Variants in AKAP13 observed in about 807,000 individuals in gnomAD.
AKAP13 encodes A-kinase anchoring protein 13, also known as A-kinase anchor protein 13.
AKAP13 carries 80 observed loss-of-function variants against 264.5 expected under a neutral mutation model. The ratio of observed to expected loss-of-function variants is 0.30; its 90% CI spans 0.25 to 0.36. AKAP13 has a LOEUF of 0.36. Among genes scored for constraint, AKAP13 ranks in the 10% least tolerant of loss-of-function variants. The pLI is 1.00. For missense variants in AKAP13, 3,712 were observed against 3,435.2 expected (o/e 1.08, Z -2.01); for synonymous variants, 1,380 against 1,250.2 (o/e 1.10, Z -2.19).
At chr15:85,544,151 G>A (rs570076599) in intron 5 of AKAP13, 196 bp downstream of exon 5, 3 of 718,938 alleles carry the variant, frequency 4.2e-6, no homozygotes, top group East Asian at 2.8e-5. Context: ...AACGTAAGTC[G>A]TGTTAACCAT....
At chr15:85,719,566 A>G (rs770619032) in intron 23 of AKAP13, among the ~76,000 whole-genome samples, 9 of 152,118 alleles carry the variant, frequency 5.9e-5, no homozygotes, top group African/African-American at 2.4e-5. Context: ...CCTAATGCAT[A>G]TGATAGATGC....
chr15:85,655,282 A>C, intron 10 of AKAP13, 135 bp from the exon 11 acceptor site: 1 of 1,096,986 alleles, frequency 9.1e-7, no homozygotes, highest in African/African-American at 1.6e-5. Context: ...CCTATTAAAA[A>C]AACAAGTCTC....
At chr15:85,611,722 G>A (rs551744271) in intron 8 of AKAP13, among the ~76,000 whole-genome samples, 2 of 152,256 alleles carry the variant, frequency 1.3e-5, no homozygotes, top group African/African-American at 2.4e-5. Flanking sequence ...CTATTGTAGC[G>A]ACAATACACT....
intron 7 of AKAP13, chr15:85,582,850 T>A: frequency 1.0e-6 from 1 of 985,270 alleles, no homozygotes; most frequent in Non-Finnish European, 1.2e-6. Context: ...TGAGCTGCTG[T>A]CACAGGGCAG....
At chr15:85,626,492 T>A (rs1331704309) in intron 8 of AKAP13, among the ~76,000 whole-genome samples, 1 of 152,226 alleles carries the variant, frequency 6.6e-6, no homozygotes, top group African/African-American at 2.4e-5. Context: ...AGTGGAGTCA[T>A]ACAACATTTG....
In AKAP13 at chr15:85,610,261, AGAT is replaced by A. The variant is rs1199991671; in HGVS notation, c.4161+24442_4161+24444del. Among the ~76,000 whole-genome samples, 11 of 152,344 alleles carry A rather than the reference AGAT, an allele frequency of 7.2e-5. No individual in the cohort carries two copies. The South Asian group carries it at 2.3e-3, about 32-fold the overall frequency. Reference sequence around the variant, plus strand: ...GAATGAAGTTTGTTCTTATTTCCATAGATGATCATATGGAAAAGGAGTTTCTCA... The same window carrying A: ...GAATGAAGTTTGTTCTTATTTCCATAGATCATATGGAAAAGGAGTTTCTCA... On this transcript the variant is annotated intron_variant, in intron 8 of 36. Coordinates refer to ENST00000394518, the MANE Select transcript of AKAP13 (RefSeq NM_007200.5).
intron 1 of AKAP13, among the ~76,000 whole-genome samples, chr15:85,409,048 G>A (rs1490176360): frequency 6.6e-6 from 1 of 151,574 alleles, no homozygotes; most frequent in Non-Finnish European, 1.5e-5. Context: ...ATCTCATTGT[G>A]GTTTTGATTT....
chr15:85,544,745 T>G (rs2077679197), intron 5 of AKAP13, among the ~76,000 whole-genome samples: 1 of 152,236 alleles, frequency 6.6e-6, no homozygotes, highest in African/African-American at 2.4e-5. Flanking sequence ...TTTATTAGTT[T>G]TGTGGTTATC....
intron 36 of AKAP13, 111 bp from the exon 37 acceptor site, chr15:85,744,517 A>T (rs1597255538): frequency 2.5e-6 from 3 of 1,183,184 alleles, no homozygotes; most frequent in Admixed American, 1.7e-5. Context: ...TTAATTGCCC[A>T]TAAGCCCCAG....
chr15:85,592,815 C>A (rs1397545750), intron 8 of AKAP13, among the ~76,000 whole-genome samples: 2 of 152,018 alleles, frequency 1.3e-5, no homozygotes, highest in Non-Finnish European at 2.9e-5. Context: ...GAACCCCAGA[C>A]CATAAAGTCA....
intron 14 of AKAP13, among the ~76,000 whole-genome samples, chr15:85,675,001 T>C (rs2084146278): frequency 6.6e-6 from 1 of 152,196 alleles, no homozygotes; most frequent in African/African-American, 2.4e-5. Flanking sequence ...GTTCATTAAA[T>C]GCATATATAA....
chr15:85,740,747 A>C (rs1597240338), intron 34 of AKAP13, among the ~76,000 whole-genome samples: 43 of 112,238 alleles, frequency 3.8e-4, no homozygotes, highest in African/African-American at 6.2e-4. Flanking sequence ...CAACCCACCC[A>C]CCCACACAGA....
intron 4 of AKAP13, among the ~76,000 whole-genome samples, chr15:85,539,393 C>T (rs143829317): frequency 3.2e-5 from 3 of 94,918 alleles, no homozygotes; most frequent in African/African-American, 9.8e-5. Context: ...GCTGAGAATT[C>T]CTGCATCATG....
intron 3 of AKAP13, among the ~76,000 whole-genome samples, chr15:85,529,743 A>G (rs2077189784): frequency 6.6e-6 from 1 of 152,200 alleles, no homozygotes; most frequent in Non-Finnish European, 1.5e-5. Context: ...CAGTAGGGTG[A>G]GGTACTTTAT....
intron 1 of AKAP13, among the ~76,000 whole-genome samples, chr15:85,389,354 C>T (rs373617492): frequency 6.6e-6 from 1 of 152,208 alleles, no homozygotes; most frequent in South Asian, 2.1e-4. Context: ...CTAGAAGGTA[C>T]CTCCAGCCAG....
At chr15:85,603,780 C>T (rs1225703733) in intron 8 of AKAP13, among the ~76,000 whole-genome samples, 1 of 152,200 alleles carries the variant, frequency 6.6e-6, no homozygotes, top group Non-Finnish European at 1.5e-5. Flanking sequence ...TAAAGCCCTT[C>T]CCTGATGTGC....
In AKAP13 at chr15:85,735,597, TAGG is replaced by T; in HGVS notation, c.7482_7484del (p.Arg2495del). The T allele has an allele frequency of 6.2e-7, 1 of 1,613,522 alleles. No individual in the cohort carries two copies. The highest frequency in any genetic ancestry group is 8.5e-7 in the Non-Finnish European group (1 of 1,179,810). On this transcript the variant is annotated inframe_deletion, in exon 32 of 37. Coordinates refer to ENST00000394518, the MANE Select transcript of AKAP13 (RefSeq NM_007200.5). ...AAGAGGGAGATGATGGCCAAGATCT[TAGG>T]AGAACGGAATCAGATAGTGGCCTAA...
chr15:85,603,291 T>A (rs1262058451), intron 8 of AKAP13, among the ~76,000 whole-genome samples: 2 of 152,208 alleles, frequency 1.3e-5, no homozygotes, highest in Non-Finnish European at 2.9e-5. Flanking sequence ...TTTAAAAAGG[T>A]GTGTACTCAG....
At chr15:85,647,853 G>A (rs958049469) in intron 10 of AKAP13, among the ~76,000 whole-genome samples, 7 of 152,108 alleles carry the variant, frequency 4.6e-5, no homozygotes, top group South Asian at 2.1e-4. Flanking sequence ...GCGTGAACCC[G>A]GGAGGCGGAG....
Sources: gnomAD v4.1 joint callset for allele counts (sites outside exome capture counted in the v4.1 genomes callset) on GRCh38, gnomAD v4.1.1 for gene constraint, MANE v1.5 for transcripts, NCBI Gene and HGNC (gene_info 2026-07-23, HGNC 2026-07-21) for gene names.